ADAMTS17: variants seen among roughly 807,000 people sequenced by gnomAD.
ADAMTS17 encodes ADAM metallopeptidase with thrombospondin type 1 motif 17.
ADAMTS17 carries 113 observed loss-of-function variants against 141.5 expected under a neutral mutation model. The observed-to-expected ratio is 0.80, with a 90% CI of 0.69 to 0.93. The LOEUF is 0.93. Ranked by LOEUF, ADAMTS17 falls within the 40% of genes least tolerant of loss-of-function variation. ADAMTS17 has a pLI of 0.00. For synonymous variants in ADAMTS17, 768 were observed against 630.6 expected, an observed-to-expected ratio of 1.22 and a Z score of -3.27; for missense variants, 1,659 against 1,517.9, an observed-to-expected ratio of 1.09 and a Z score of -1.54.
At chr15:100,143,344 T>C (rs2038748755) in intron 10 of ADAMTS17, among the ~76,000 whole-genome samples, 1 of 152,228 alleles carries the variant, frequency 6.6e-6, no homozygotes. Context: ...CTTGAAAGTG[T>C]TGTTAAATAG....
At position 100,270,419 on chromosome 15, in the gene ADAMTS17, A is replaced by G. The variant is rs187978142; in HGVS notation, c.790-7984T>C. On this transcript the variant is annotated intron_variant, in intron 4 of 21. Transcript: ENST00000268070. ...TGTATTATTATATTTATGCATAAAC[A>G]CTTTCAAACAGAGTTTAATACACCA... Among the ~76,000 whole-genome samples, 3 of 152,290 alleles carry G rather than the reference A, an allele frequency of 2.0e-5. No individual in the cohort carries two copies. The East Asian group carries it at 5.8e-4, about 29-fold the overall frequency.
intron 10 of ADAMTS17, among the ~76,000 whole-genome samples, chr15:100,152,386 T>C (rs1596570969): frequency 6.6e-6 from 1 of 151,974 alleles, no homozygotes; most frequent in Admixed American, 6.6e-5. Flanking sequence ...TAGGTGTGTA[T>C]GTGTGTATGG....
Position 99,973,791 on chromosome 15 carries a change from G to A in ADAMTS17, c.*611C>T, listed in dbSNP as rs906820389. The A allele has an allele frequency of 1.0e-4, 19 of 181,254 alleles. No individual in the cohort carries two copies. The highest frequency in any genetic ancestry group is 2.0e-4 in the Non-Finnish European group (17 of 85,412). 11.2% of individuals were successfully genotyped at this position (181,254 alleles called of 1,614,324 possible). Reference sequence around the variant, plus strand: ...TGGCATATATAGATTTACACTCCACGCACGAGACTTCCAAGGCAACACCTA... The same window carrying A: ...TGGCATATATAGATTTACACTCCACACACGAGACTTCCAAGGCAACACCTA... On this transcript the variant is annotated 3_prime_UTR_variant, in exon 22 of 22. Transcript: ENST00000268070.
At position 99,997,490 on chromosome 15, in the gene ADAMTS17, G is replaced by C. The variant is rs766914279; in HGVS notation, c.2691C>G (p.His897Gln). Reference sequence around the variant, plus strand: ...GGCAGTAGAGGGGCCGCGTAGCGACGTGTGTGCCGTTCTGCAGCTGGTACA... The same window carrying C: ...GGCAGTAGAGGGGCCGCGTAGCGACCTGTGTGCCGTTCTGCAGCTGGTACA... The part of the protein sequence containing the change: ...TCVYQLQNGT[H>Q]VATRPLYCPG... Residue 897 changes from histidine to glutamine, a missense_variant, in exon 19 of 22, where the codon CAC becomes CAG. Coordinates refer to ENST00000268070, the MANE Select transcript of ADAMTS17 (RefSeq NM_139057.4). The surrounding 1 kb of genome is among the most constrained non-coding windows in gnomAD (Gnocchi z 4.7). 3.1e-6 allele frequency: 5 copies of C among 1,613,484 alleles called. No homozygotes were observed. Among genetic ancestry groups the C allele is most frequent in the Non-Finnish European group, 4.2e-6 (5 of 1,180,004 alleles).
chr15:99,994,801 T>C (rs1311393648), intron 19 of ADAMTS17, among the ~76,000 whole-genome samples: 1 of 152,202 alleles, frequency 6.6e-6, no homozygotes, highest in Non-Finnish European at 1.5e-5. Context: ...TCCTGACTCG[T>C]GATCCACCCG....
chr15:100,011,292 A>AG (rs1325971284), intron 18 of ADAMTS17, among the ~76,000 whole-genome samples: 1 of 2,006 alleles, frequency 5.0e-4, no homozygotes, highest in Admixed American at 7.6e-3. Context: ...GAAGTAAAGG[A>AG]GGAGGGAGGG....
rs11639041 is a variant in ADAMTS17, at chr15:100,331,124, G to A, written c.451-70C>T. On this transcript the variant is annotated intron_variant, in intron 2 of 21. Coordinates refer to ENST00000268070, the MANE Select transcript of ADAMTS17 (RefSeq NM_139057.4). ...CACACACGCCCATGGCCCCCCGGAG[G>A]GGCAGGCAAGACCACCTTGCTGTGA... is the stretch of plus-strand genomic sequence containing the variant. 0.29 allele frequency: 468,598 copies of A among 1,589,140 alleles called. 72,494 individuals carry two copies. The highest frequency in any genetic ancestry group is 0.43 in the South Asian group (38,323 of 88,794).
intron 2 of ADAMTS17, among the ~76,000 whole-genome samples, chr15:100,336,178 T>C (rs1427970316): frequency 6.6e-6 from 1 of 152,246 alleles, no homozygotes; most frequent in Non-Finnish European, 1.5e-5. Context: ...TAGACGATGC[T>C]GGTGGGCAGC....
At chr15:100,154,306 C>G (rs1596578891) in intron 9 of ADAMTS17, among the ~76,000 whole-genome samples, 1 of 152,200 alleles carries the variant, frequency 6.6e-6, no homozygotes, top group Admixed American at 6.5e-5. Context: ...GGGAAGTAGA[C>G]TACATTAAAA....
In ADAMTS17 at chr15:99,997,610, G is replaced by A. The variant is rs779698939; in HGVS notation, c.2592-21C>T. On this transcript the variant is annotated intron_variant, in intron 18 of 21. Coordinates refer to ENST00000268070, the MANE Select transcript of ADAMTS17 (RefSeq NM_139057.4). The surrounding 1 kb of genome is among the most constrained non-coding windows in gnomAD (Gnocchi z 4.7). The stretch of plus-strand genomic sequence containing the variant: ...CCCACCTGCCAGACGGGAGGAAAGA[G>A]AGAGAGAACGACTGGGTGAGAGGCC... 6.2e-7 allele frequency: 1 copy of A among 1,612,156 alleles called. No individual in the cohort carries two copies.
intron 13 of ADAMTS17, among the ~76,000 whole-genome samples, chr15:100,112,562 C>A (rs917235964): frequency 1.3e-4 from 20 of 152,136 alleles, no homozygotes; most frequent in Non-Finnish European, 2.5e-4. Context: ...AGGAACAAGA[C>A]CCCAGTAAAT....
chr15:100,251,426 A>G lies in ADAMTS17; in HGVS notation c.1075+2710T>C, dbSNP rs186879286. ...GACTATAGGTAGAGAGAGGACCTTC[A>G]AAAAGCTAATTAAGGTTGGCCGGGC... On this transcript the variant is annotated intron_variant, in intron 7 of 21. Transcript: ENST00000268070. 1.8e-4 allele frequency among the ~76,000 whole-genome samples: 27 copies of G among 152,344 alleles called. No individual in the cohort carries two copies. The East Asian group carries it at 4.8e-3, about 27-fold the overall frequency.
chr15:100,242,938 T>A (rs954440585), intron 7 of ADAMTS17, among the ~76,000 whole-genome samples: 1 of 152,230 alleles, frequency 6.6e-6, no homozygotes, highest in Non-Finnish European at 1.5e-5. Context: ...GAACTTTTCA[T>A]CTTCCTCAAC....
intron 20 of ADAMTS17, 28 bp from the exon 21 acceptor site, chr15:99,976,250 G>GGC (rs1200753229): frequency 1.3e-6 from 2 of 1,539,076 alleles, no homozygotes; most frequent in Non-Finnish European, 1.7e-6. Flanking sequence ...CCTGAGTGGG[G>GGC]CTGACATGAG....
In ADAMTS17 at chr15:100,192,115, C is replaced by G. The variant is rs529007841; in HGVS notation, c.1181+7203G>C. On this transcript the variant is annotated intron_variant, in intron 8 of 21. Transcript: ENST00000268070. ...GAACAACTCTGGAATTTGGGTAAGA[C>G]TGCCGTGCCCAGTGGACGCTCACAC... is the stretch of plus-strand genomic sequence containing the variant. Among the ~76,000 whole-genome samples, 89 of 152,312 alleles carry G rather than the reference C, an allele frequency of 5.8e-4. 1 individual carries two copies. Among genetic ancestry groups the G allele is most frequent in the African/African-American group, 2.1e-3 (88 of 41,570 alleles).
chr15:100,189,907 G>A (rs996064343), intron 8 of ADAMTS17, among the ~76,000 whole-genome samples: 3 of 152,176 alleles, frequency 2.0e-5, no homozygotes. Flanking sequence ...TCTCCCAGTG[G>A]TTGCCTGCCT....
intron 20 of ADAMTS17, 124 bp from the exon 21 acceptor site, chr15:99,976,346 T>C (rs922500827): frequency 4.0e-6 from 5 of 1,235,824 alleles, no homozygotes; most frequent in African/African-American, 1.5e-5. Flanking sequence ...GTCAGGGGGC[T>C]GGGATGATGG....
chr15:100,083,890 C>G (rs1433243117), intron 15 of ADAMTS17, among the ~76,000 whole-genome samples: 2 of 151,902 alleles, frequency 1.3e-5, no homozygotes, highest in East Asian at 3.8e-4. Context: ...ATAGGAACAG[C>G]TCCAGTCTAC....
chr15:100,300,148 T>A (rs1422097838), intron 3 of ADAMTS17, among the ~76,000 whole-genome samples: 1 of 152,116 alleles, frequency 6.6e-6, no homozygotes, highest in Non-Finnish European at 1.5e-5. Context: ...ACCTCCAACA[T>A]GCCCAGGGCT....
Sources: gnomAD v4.1 joint callset for allele counts (sites outside exome capture counted in the v4.1 genomes callset) on GRCh38, gnomAD v4.1.1 for gene constraint, Gnocchi (gnomAD v3.1) non-coding constraint, MANE v1.5 for transcripts, NCBI Gene and HGNC (gene_info 2026-07-23, HGNC 2026-07-21) for gene names.